CNTN5: variants seen among roughly 807,000 people sequenced by gnomAD.
CNTN5 encodes the protein contactin 5, also known as contactin-5.
A neutral mutation model predicts 129.1 loss-of-function variants in CNTN5; 77 were observed. The ratio of observed to expected loss-of-function variants is 0.60; its 90% CI spans 0.50 to 0.72. The LOEUF (loss-of-function observed/expected upper bound fraction) is 0.72, where lower values mean the gene tolerates loss of function less well. Ranked by LOEUF, CNTN5 falls within the 30% of genes least tolerant of loss-of-function variation. The probability of loss-of-function intolerance (pLI) is 0.00; values close to 1 mark genes in which losing one functional copy is unlikely to be tolerated. For synonymous variants in CNTN5, 509 were observed against 465.6 expected, an observed-to-expected ratio of 1.09 and a Z score of -1.20; for missense variants, 1,478 against 1,328.8, an observed-to-expected ratio of 1.11 and a Z score of -1.75.
At chr11:100,126,690 G>T (rs995176616) in intron 13 of CNTN5, among the ~76,000 whole-genome samples, 1 of 152,020 alleles carries the variant, frequency 6.6e-6, no homozygotes, top group Non-Finnish European at 1.5e-5. Context: ...TGTGAGATGG[G>T]TCTCTTGAAG....
At chr11:99,388,632 A>G (rs1386835427) in intron 2 of CNTN5, among the ~76,000 whole-genome samples, 1 of 152,158 alleles carries the variant, frequency 6.6e-6, no homozygotes, top group Non-Finnish European at 1.5e-5. Flanking sequence ...ACCAGTGTGG[A>G]ATCTACTGCC....
intron 2 of CNTN5, among the ~76,000 whole-genome samples, chr11:99,368,308 T>C (rs1939587608): frequency 6.6e-6 from 1 of 152,184 alleles, no homozygotes; most frequent in Non-Finnish European, 1.5e-5. Flanking sequence ...ATAAAATAAA[T>C]CCACATTAGT....
chr11:100,236,345 G>T (rs1000022484), intron 16 of CNTN5, among the ~76,000 whole-genome samples: 2 of 150,822 alleles, frequency 1.3e-5, no homozygotes, highest in Admixed American at 1.3e-4. Context: ...CGCTGGCATT[G>T]CCCCAGTTTG....
rs927855364 is a variant in CNTN5, at chr11:100,201,630, C to G, written c.1884+7967C>G. On this transcript the variant is annotated intron_variant, in intron 15 of 24. Coordinates refer to ENST00000524871, the MANE Select transcript of CNTN5 (RefSeq NM_014361.4). ...TATATCTCTACCTCCCTCCTGTTTT[C>G]CTTTACTTGTCTTTCACTATTCATA... Among the ~76,000 whole-genome samples, 4 of 151,874 alleles carry G rather than the reference C, an allele frequency of 2.6e-5. No individual in the cohort carries two copies. The South Asian group carries it at 8.3e-4, about 31-fold the overall frequency.
intron 3 of CNTN5, among the ~76,000 whole-genome samples, chr11:99,725,420 T>C (rs1316203859): frequency 6.6e-6 from 1 of 151,688 alleles, no homozygotes; most frequent in Non-Finnish European, 1.5e-5. Flanking sequence ...TTCCATTAAT[T>C]ATATTAAATT....
At chr11:99,540,437 G>T (rs935397355) in intron 2 of CNTN5, among the ~76,000 whole-genome samples, 7 of 152,124 alleles carry the variant, frequency 4.6e-5, no homozygotes, top group African/African-American at 1.7e-4. Context: ...CATATGGCAT[G>T]CACTTTCAAT....
intron 3 of CNTN5, among the ~76,000 whole-genome samples, chr11:99,657,557 A>T (rs938882286): frequency 6.6e-6 from 1 of 152,122 alleles, no homozygotes; most frequent in Admixed American, 6.6e-5. Flanking sequence ...CAATTTATTT[A>T]AAAAAATATT....
intron 2 of CNTN5, among the ~76,000 whole-genome samples, chr11:99,479,950 C>T (rs1392466521): frequency 6.6e-6 from 1 of 151,404 alleles, no homozygotes; most frequent in East Asian, 1.9e-4. Context: ...AAATTTATTC[C>T]CAATGGCATA....
At chr11:99,241,857 TTTG>T (rs1861576920) in intron 1 of CNTN5, among the ~76,000 whole-genome samples, 1 of 152,174 alleles carries the variant, frequency 6.6e-6, no homozygotes, top group African/African-American at 2.4e-5. Flanking sequence ...TTAAATTTGC[TTTG>T]TTGTTTATAA....
chr11:99,991,416 G>A (rs928595965), intron 8 of CNTN5, among the ~76,000 whole-genome samples: 1 of 152,092 alleles, frequency 6.6e-6, no homozygotes, highest in Non-Finnish European at 1.5e-5. Context: ...GCAGTGAGCC[G>A]AGATTGCACC....
chr11:100,319,765 A>G (rs1432417125), intron 21 of CNTN5, among the ~76,000 whole-genome samples: 2 of 152,086 alleles, frequency 1.3e-5, no homozygotes, highest in African/African-American at 2.4e-5. Flanking sequence ...TATGAGATCA[A>G]CTTTCTTAGA....
chr11:100,070,236 C>T (rs1435382231), intron 10 of CNTN5, among the ~76,000 whole-genome samples, 188 bp from the exon 11 acceptor site: 1 of 151,080 alleles, frequency 6.6e-6, no homozygotes, highest in African/African-American at 2.4e-5. Flanking sequence ...AAAATATCTT[C>T]ACTGCTATTT....
At chr11:99,545,093 TTTG>T (rs1363251719) in intron 2 of CNTN5, among the ~76,000 whole-genome samples, 13 of 152,188 alleles carry the variant, frequency 8.5e-5, no homozygotes, top group African/African-American at 3.1e-4. Flanking sequence ...CGTTCCCAAG[TTTG>T]TTGTTTGTTT....
intron 7 of CNTN5, among the ~76,000 whole-genome samples, chr11:99,939,864 G>C (rs1197470977): frequency 6.6e-6 from 1 of 152,118 alleles, no homozygotes; most frequent in Non-Finnish European, 1.5e-5. Flanking sequence ...CATGAAGGAG[G>C]TATTGTGTTC....
chr11:99,632,383 C>A (rs752305980), intron 3 of CNTN5, among the ~76,000 whole-genome samples: 7 of 152,008 alleles, frequency 4.6e-5, no homozygotes. Context: ...GTAAACATGT[C>A]ATTTTTCCCA....
chr11:99,049,167 C>A (rs915178293), intron 1 of CNTN5, among the ~76,000 whole-genome samples: 1 of 152,116 alleles, frequency 6.6e-6, no homozygotes, highest in African/African-American at 2.4e-5. Context: ...AATTTATATT[C>A]TTTGCACCTG....
intron 9 of CNTN5, among the ~76,000 whole-genome samples, chr11:100,026,729 G>T (rs986130914): frequency 3.3e-5 from 5 of 151,934 alleles, no homozygotes; most frequent in African/African-American, 1.2e-4. Context: ...TAGTCAGATT[G>T]TTTTCTTATT....
chr11:100,267,516 G>A lies in CNTN5; in HGVS notation c.2165-3576G>A, dbSNP rs568485670. ...TAGAGTGGTCAGGGTATGCCTTACC[G>A]AGAAGGTATATTTGCATGAATTTTA... On this transcript the variant is annotated intron_variant, in intron 17 of 24. Transcript: ENST00000524871. Among the ~76,000 whole-genome samples, 8 of 152,182 alleles carry A rather than the reference G, an allele frequency of 5.3e-5. No individual in the cohort carries two copies. In the South Asian group the frequency reaches 6.2e-4, roughly 12 times the overall value.
intron 6 of CNTN5, among the ~76,000 whole-genome samples, chr11:99,893,029 T>G (rs571843157): frequency 1.7e-4 from 26 of 152,260 alleles, no homozygotes; most frequent in African/African-American, 5.8e-4. Context: ...GGAGGAAGAA[T>G]AGAATCTTTT....
Sources: allele counts gnomAD v4.1 joint callset (sites outside exome capture counted in the v4.1 genomes callset), GRCh38; gene constraint gnomAD v4.1.1; transcripts MANE v1.5; gene names NCBI Gene and HGNC (gene_info 2026-07-23, HGNC 2026-07-21).